The following KCNMA1 variants were observed in gnomAD, a reference collection of about 807,000 sequenced individuals.
The protein encoded by KCNMA1 is Calcium-activated potassium channel subunit alpha-1.
KCNMA1 carries 29 observed loss-of-function variants against 140.0 expected under a neutral mutation model. The observed-to-expected ratio is 0.21, with a 90% CI of 0.15 to 0.28. KCNMA1 has a LOEUF of 0.28. KCNMA1 is among the 10% of genes least tolerant of loss of function. The pLI, the probability that KCNMA1 is intolerant of heterozygous loss-of-function variation, is 1.00. For missense variants in KCNMA1, 880 were observed against 1,602.2 expected (o/e 0.55, Z 7.70); for synonymous variants, 612 against 611.9 (o/e 1.00, Z 0.00).
intron 2 of KCNMA1, among the ~76,000 whole-genome samples, chr10:77,380,077 C>G (rs2095328288): frequency 6.6e-6 from 1 of 152,040 alleles, no homozygotes; most frequent in African/African-American, 2.4e-5. Flanking sequence ...GTTGGGGTTA[C>G]AAATAGTTAC....
intron 23 of KCNMA1, among the ~76,000 whole-genome samples, chr10:76,916,328 C>A (rs1450037105): frequency 6.6e-6 from 1 of 152,100 alleles, no homozygotes; most frequent in African/African-American, 2.4e-5. Context: ...CAAGTACATA[C>A]CTGGATGAGG....
At chr10:77,637,019 A>C in intron 1 of KCNMA1, 4 of 1,411,090 alleles carry the variant, frequency 2.8e-6, no homozygotes, top group Non-Finnish European at 2.8e-6. Context: ...ACAATAAACA[A>C]GAGGACAGGA....
chr10:76,990,115 CT>C (rs1362146368), intron 19 of KCNMA1, among the ~76,000 whole-genome samples: 1 of 152,174 alleles, frequency 6.6e-6, no homozygotes, highest in Non-Finnish European at 1.5e-5. Context: ...AGTTCTGGAA[CT>C]TACTCAAAGT....
At chr10:77,106,492 G>A (rs1215980492) in intron 9 of KCNMA1, among the ~76,000 whole-genome samples, 1 of 151,524 alleles carries the variant, frequency 6.6e-6, no homozygotes, top group Non-Finnish European at 1.5e-5. Flanking sequence ...CCGGCCTCCA[G>A]CCCACCCACC....
intron 1 of KCNMA1, among the ~76,000 whole-genome samples, chr10:77,466,697 G>C (rs1348671589): frequency 1.3e-5 from 2 of 152,182 alleles, no homozygotes; most frequent in Admixed American, 6.5e-5. Context: ...TCTAGTGAGA[G>C]AGTAAGGAGC....
intron 2 of KCNMA1, among the ~76,000 whole-genome samples, chr10:77,363,952 G>A (rs993575454): frequency 2.6e-5 from 4 of 151,966 alleles, no homozygotes; most frequent in Admixed American, 6.6e-5. Flanking sequence ...TATTGTCCTC[G>A]CTCTCTGACC....
intron 5 of KCNMA1, among the ~76,000 whole-genome samples, chr10:77,160,240 A>G (rs1255913905): frequency 3.9e-5 from 6 of 152,110 alleles, no homozygotes; most frequent in Non-Finnish European, 8.8e-5. Context: ...TCACTCTGAA[A>G]TATTCACACC....
chr10:76,945,544 T>C (rs1203859750), intron 22 of KCNMA1, among the ~76,000 whole-genome samples: 4 of 152,016 alleles, frequency 2.6e-5, no homozygotes, highest in Non-Finnish European at 2.9e-5. Context: ...AAAAGAGATA[T>C]GGAAAGGAGT....
At chr10:77,167,058 C>T (rs1228113992) in intron 5 of KCNMA1, among the ~76,000 whole-genome samples, 5 of 152,132 alleles carry the variant, frequency 3.3e-5, no homozygotes, top group Admixed American at 2.6e-4. Flanking sequence ...CTATCAAACA[C>T]CAAGTCTTAT....
chr10:77,084,126 A>G (rs2096643211), intron 12 of KCNMA1, among the ~76,000 whole-genome samples: 1 of 151,988 alleles, frequency 6.6e-6, no homozygotes, highest in Non-Finnish European at 1.5e-5. Context: ...TGGGCCAGAC[A>G]ATTCTCTGTT....
chr10:76,899,205 T>C (rs2043959154), intron 25 of KCNMA1, among the ~76,000 whole-genome samples: 1 of 152,130 alleles, frequency 6.6e-6, no homozygotes, highest in African/African-American at 2.4e-5. Context: ...TTTAATGTCA[T>C]TTTTTCCAGT....
chr10:77,399,983 G>C lies in KCNMA1; in HGVS notation c.540+3879C>G, dbSNP rs1002837719. Among the ~76,000 whole-genome samples, 12 of 152,342 alleles carry C rather than the reference G, an allele frequency of 7.9e-5. 1 individual carries two copies. In the East Asian group the frequency reaches 2.3e-3, roughly 29 times the overall value. ...CTGTGACAATTAGACAGGTGAGATA[G>C]AGGCCCAGATGAGGAGGCCAAGCTC... is the stretch of plus-strand genomic sequence containing the variant. On this transcript the variant is annotated intron_variant, in intron 2 of 27. Transcript: ENST00000286628.
intron 1 of KCNMA1, among the ~76,000 whole-genome samples, chr10:77,529,477 A>G (rs2056991914): frequency 6.6e-6 from 1 of 152,122 alleles, no homozygotes; most frequent in East Asian, 1.9e-4. Flanking sequence ...TTGTCAAAGC[A>G]CCATGTTCTG....
intron 2 of KCNMA1, among the ~76,000 whole-genome samples, chr10:77,361,245 G>A (rs1444600009): frequency 1.3e-5 from 2 of 152,170 alleles, no homozygotes; most frequent in Admixed American, 6.5e-5. Flanking sequence ...TATCATGATC[G>A]TCATCGTCAT....
chr10:77,312,082 A>G (rs1422906494), intron 2 of KCNMA1, among the ~76,000 whole-genome samples: 1 of 152,240 alleles, frequency 6.6e-6, no homozygotes, highest in African/African-American at 2.4e-5. Context: ...CAAGCGAAGG[A>G]ACTCCAGGGA....
chr10:76,990,335 A>G (rs2082380767), intron 19 of KCNMA1, among the ~76,000 whole-genome samples: 1 of 152,232 alleles, frequency 6.6e-6, no homozygotes, highest in South Asian at 2.1e-4. Flanking sequence ...TCACCCTTGT[A>G]TCTGCCTGCT....
At chr10:77,334,388 T>C (rs902373740) in intron 2 of KCNMA1, among the ~76,000 whole-genome samples, 6 of 152,222 alleles carry the variant, frequency 3.9e-5, no homozygotes, top group African/African-American at 1.2e-4. Context: ...AATTAAGGTG[T>C]ATTTGAGGGC....
rs201288668 is a variant in KCNMA1, at chr10:77,082,007, C to CTTTTTTT, written c.1524-2464_1524-2458dup. 1.3e-3 allele frequency among the ~76,000 whole-genome samples: 41 copies of CTTTTTTT among 32,504 alleles called. 6 individuals are homozygous for CTTTTTTT. In the East Asian group the frequency reaches 0.016, roughly 13 times the overall value. 21.3% of individuals were successfully genotyped at this position (32,504 alleles called of 152,430 possible). A position where few individuals can be genotyped will look rare whatever the true frequency, so the allele number is the denominator to read the frequency against. On this transcript the variant is annotated intron_variant, in intron 12 of 27. Transcript: ENST00000286628. ...GACCAGTAATTTCTTTTTTTCTTTT[C>CTTTTTTT]TTTTTTTTTTTTTTTTTTTTTTTTT... is the stretch of plus-strand genomic sequence containing the variant.
chr10:76,947,796 A>G (rs2064651650), intron 22 of KCNMA1, among the ~76,000 whole-genome samples: 1 of 152,216 alleles, frequency 6.6e-6, no homozygotes, highest in Admixed American at 6.5e-5. Context: ...ATGTAAAGGC[A>G]CATGGTGGCA....
Sources: allele counts gnomAD v4.1 joint callset (sites outside exome capture counted in the v4.1 genomes callset), GRCh38; gene constraint gnomAD v4.1.1; transcripts MANE v1.5; gene names NCBI Gene and HGNC (gene_info 2026-07-23, HGNC 2026-07-21).